The following SH3GL2 variants were observed in gnomAD, a reference collection of about 807,000 sequenced individuals.
SH3GL2 encodes the protein SH3 domain containing GRB2 like 2, endophilin A1, also known as endophilin-A1.
SH3GL2 carries 24 observed loss-of-function variants against 46.0 expected under a neutral mutation model. The ratio of observed to expected loss-of-function variants is 0.52; its 90% CI spans 0.38 to 0.73. SH3GL2 has a LOEUF of 0.73. SH3GL2 is among the 30% of genes least tolerant of loss of function. The pLI is 0.00. For synonymous variants in SH3GL2, 196 were observed against 147.1 expected (o/e 1.33, Z -2.40); for missense variants, 413 against 424.2 (o/e 0.97, Z 0.23).
At chr9:17,772,818 T>A (rs1823528090) in intron 3 of SH3GL2, among the ~76,000 whole-genome samples, 1 of 152,196 alleles carries the variant, frequency 6.6e-6, no homozygotes, top group Non-Finnish European at 1.5e-5. Context: ...TATACAAATA[T>A]CACTCTGAAA....
intron 1 of SH3GL2, among the ~76,000 whole-genome samples, chr9:17,730,633 A>G (rs1822152569): frequency 6.6e-6 from 1 of 152,032 alleles, no homozygotes; most frequent in Non-Finnish European, 1.5e-5. Context: ...AGATAGGTTC[A>G]ATCAATACCT....
intron 1 of SH3GL2, among the ~76,000 whole-genome samples, chr9:17,678,844 C>G (rs34441251): frequency 0.093 from 14,185 of 152,066 alleles, 843 homozygotes; most frequent in Non-Finnish European, 0.12. Flanking sequence ...TCGGCTTTCT[C>G]CATATGGCTA....
intron 3 of SH3GL2, among the ~76,000 whole-genome samples, chr9:17,780,537 A>C (rs868673971): frequency 3.8e-4 from 54 of 143,192 alleles, no homozygotes; most frequent in African/African-American, 1.3e-3. Flanking sequence ...TGTGCAGGTT[A>C]GTTACATATG....
intron 1 of SH3GL2, among the ~76,000 whole-genome samples, chr9:17,710,803 A>T (rs939571667): frequency 3.3e-5 from 5 of 151,940 alleles, no homozygotes; most frequent in African/African-American, 9.7e-5. Flanking sequence ...TTGAAGTGTG[A>T]TAATAATAGT....
intron 1 of SH3GL2, among the ~76,000 whole-genome samples, chr9:17,669,393 C>T (rs1195147073): frequency 6.6e-6 from 1 of 152,176 alleles, no homozygotes; most frequent in African/African-American, 2.4e-5. Flanking sequence ...CTGCAAGGAT[C>T]ACTTATGTTG....
intron 1 of SH3GL2, among the ~76,000 whole-genome samples, chr9:17,647,242 C>G (rs1242132850): frequency 6.6e-6 from 1 of 152,172 alleles, no homozygotes; most frequent in African/African-American, 2.4e-5. Context: ...TAATATATTT[C>G]TGTTGCTTCA....
chr9:17,744,769 A>C (rs552700720), intron 1 of SH3GL2, among the ~76,000 whole-genome samples: 8 of 152,322 alleles, frequency 5.3e-5, no homozygotes, highest in Admixed American at 5.2e-4. Flanking sequence ...CTTGCCAAAC[A>C]AGGTCACAGT....
intron 1 of SH3GL2, among the ~76,000 whole-genome samples, chr9:17,612,607 C>G (rs1676895454): frequency 6.6e-6 from 1 of 152,100 alleles, no homozygotes; most frequent in African/African-American, 2.4e-5. Flanking sequence ...ATGCATTTCA[C>G]TTGTGTATGT....
chr9:17,619,082 T>C (rs1017603048), intron 1 of SH3GL2, among the ~76,000 whole-genome samples: 1 of 152,224 alleles, frequency 6.6e-6, no homozygotes, highest in Admixed American at 6.5e-5. Context: ...CTCAGCACTT[T>C]ATGTGCAGTA....
At chr9:17,759,699 C>T (rs1216472989) in intron 2 of SH3GL2, among the ~76,000 whole-genome samples, 1 of 151,994 alleles carries the variant, frequency 6.6e-6, no homozygotes, top group Non-Finnish European at 1.5e-5. Context: ...ATGGGGGAAC[C>T]TTAGAAATTG....
intron 1 of SH3GL2, among the ~76,000 whole-genome samples, chr9:17,667,742 C>T (rs1350575164): frequency 6.6e-6 from 1 of 152,106 alleles, no homozygotes; most frequent in Non-Finnish European, 1.5e-5. Context: ...GACTGTTTTC[C>T]AAAGCAGTTG....
At chr9:17,665,533 T>C (rs1820321528) in intron 1 of SH3GL2, among the ~76,000 whole-genome samples, 1 of 152,140 alleles carries the variant, frequency 6.6e-6, no homozygotes, top group Admixed American at 6.5e-5. Flanking sequence ...TAACGTTTAT[T>C]ATGTCCTCTT....
At chr9:17,652,863 T>C (rs1819987881) in intron 1 of SH3GL2, among the ~76,000 whole-genome samples, 1 of 152,162 alleles carries the variant, frequency 6.6e-6, no homozygotes, top group Admixed American at 6.5e-5. Flanking sequence ...CTTCCTTCTA[T>C]ATTTTGTGGT....
At chr9:17,720,977 G>A (rs1175707132) in intron 1 of SH3GL2, among the ~76,000 whole-genome samples, 1 of 152,096 alleles carries the variant, frequency 6.6e-6, no homozygotes, top group African/African-American at 2.4e-5. Flanking sequence ...GGTACGACTT[G>A]TGGCACATAA....
chr9:17,729,157 T>C (rs890689504), intron 1 of SH3GL2, among the ~76,000 whole-genome samples: 10 of 152,218 alleles, frequency 6.6e-5, no homozygotes, highest in Non-Finnish European at 4.4e-5. Context: ...ATGATCATTA[T>C]TGTAACTGGC....
intron 1 of SH3GL2, among the ~76,000 whole-genome samples, chr9:17,716,697 A>G (rs12552703): frequency 0.069 from 10,548 of 152,184 alleles, 559 homozygotes; most frequent in Admixed American, 0.17. Context: ...GTGCAGCTCT[A>G]TTCACTCTGG....
intron 3 of SH3GL2, among the ~76,000 whole-genome samples, chr9:17,785,787 A>G (rs1823939872): frequency 6.6e-6 from 1 of 152,156 alleles, no homozygotes. Context: ...TGGAGAAGTG[A>G]TTAAGTCTTT....
At chr9:17,632,513 C>A (rs1819454352) in intron 1 of SH3GL2, among the ~76,000 whole-genome samples, 1 of 152,116 alleles carries the variant, frequency 6.6e-6, no homozygotes, top group East Asian at 1.9e-4. Context: ...TGCCCATATT[C>A]TTAGAATTTA....
intron 1 of SH3GL2, among the ~76,000 whole-genome samples, chr9:17,587,276 A>G (rs904839978): frequency 2.0e-5 from 3 of 152,226 alleles, no homozygotes; most frequent in Admixed American, 6.5e-5. Flanking sequence ...AAAGGAGAGA[A>G]GGGGAGTCAG....
Sources: gnomAD v4.1 joint callset for allele counts (sites outside exome capture counted in the v4.1 genomes callset) on GRCh38, gnomAD v4.1.1 for gene constraint, MANE v1.5 for transcripts, NCBI Gene and HGNC (gene_info 2026-07-23, HGNC 2026-07-21) for gene names.